The following DGKI variants were observed in gnomAD, a reference collection of about 807,000 sequenced individuals.
DGKI encodes diacylglycerol kinase iota, also known as DAG kinase iota.
Under a neutral mutation model 147.5 loss-of-function variants are expected in DGKI, and 55 were observed. The observed-to-expected ratio is 0.37, with a 90% CI of 0.30 to 0.47. The LOEUF is 0.47. DGKI is among the 20% of genes least tolerant of loss of function. The pLI is 1.00. For missense variants in DGKI, 1,007 were observed against 1,323.8 expected (o/e 0.76, Z 3.71); for synonymous variants, 469 against 477.1 (o/e 0.98, Z 0.22).
Position 137,387,591 on chromosome 7 carries a change from C to T in DGKI, c.*3629G>A, listed in dbSNP as rs1811213733. ...GTGTGTAAATGTATATGCGTATATA[C>T]ATACATACTTGTGCATGAACGGATG... On this transcript the variant is annotated 3_prime_UTR_variant, in exon 33 of 33. Transcript: ENST00000614521. 6.6e-6 allele frequency: 1 copy of T among 152,028 alleles called. No homozygotes were observed. 9.4% of individuals were successfully genotyped at this position (152,028 alleles called of 1,614,324 possible). A position where few individuals can be genotyped will look rare whatever the true frequency, so the allele number is the denominator to read the frequency against.
intron 1 of DGKI, among the ~76,000 whole-genome samples, chr7:137,811,688 C>T (rs1418712521): frequency 6.6e-6 from 1 of 152,134 alleles, no homozygotes; most frequent in Non-Finnish European, 1.5e-5. Flanking sequence ...AACTATTCCC[C>T]AAATCACAAT....
At chr7:137,675,383 C>CGGTATTTCTCAAA (rs1585357690) in intron 3 of DGKI, among the ~76,000 whole-genome samples, 7 of 152,096 alleles carry the variant, frequency 4.6e-5, no homozygotes, top group African/African-American at 1.7e-4. Flanking sequence ...TTGAGGTGCT[C>CGGTATTTCTCAAA]GTTAAAATCA....
At chr7:137,516,954 A>G (rs528486883) in intron 21 of DGKI, among the ~76,000 whole-genome samples, 302 of 152,092 alleles carry the variant, frequency 2.0e-3, no homozygotes, top group African/African-American at 7.0e-3. Context: ...GTCTATGGTG[A>G]AGGAACTTGG....
chr7:137,509,819 G>A (rs751190283), intron 21 of DGKI, among the ~76,000 whole-genome samples: 9 of 152,174 alleles, frequency 5.9e-5, no homozygotes, highest in Non-Finnish European at 1.0e-4. Flanking sequence ...ACACTCTCCA[G>A]GTGCCCATCG....
At chr7:137,723,699 CTTTTTTTTTTTTTT>C (rs769605042) in intron 1 of DGKI, among the ~76,000 whole-genome samples, 5 of 104,418 alleles carry the variant, frequency 4.8e-5, no homozygotes, top group East Asian at 2.9e-4. Flanking sequence ...CATGATATCC[CTTTTTTTTTTTTTT>C]TTTTTTTTTT....
At chr7:137,473,568 T>G (rs1046031733) in intron 23 of DGKI, among the ~76,000 whole-genome samples, 1 of 152,146 alleles carries the variant, frequency 6.6e-6, no homozygotes, top group Admixed American at 6.5e-5. Flanking sequence ...AATAAGAAGA[T>G]TCTGATCAGT....
At chr7:137,679,404 G>A (rs942854244) in intron 2 of DGKI, among the ~76,000 whole-genome samples, 1 of 127,566 alleles carries the variant, frequency 7.8e-6, no homozygotes, top group East Asian at 2.3e-4. Context: ...GAAGCAAACT[G>A]TTTTTTTTTT....
chr7:137,643,518 G>C (rs1332861381), intron 6 of DGKI, among the ~76,000 whole-genome samples: 1 of 152,160 alleles, frequency 6.6e-6, no homozygotes, highest in African/African-American at 2.4e-5. Flanking sequence ...AATTGTTTGA[G>C]TCTTGAAGAA....
At position 137,638,540 on chromosome 7, in the gene DGKI, G is replaced by A. The variant is rs1045759783; in HGVS notation, c.804+6932C>T. On this transcript the variant is annotated intron_variant, in intron 6 of 32. Coordinates refer to ENST00000614521, the MANE Select transcript of DGKI (RefSeq NM_001321708.2). Reference sequence around the variant, plus strand: ...TGTATATATATACACACACATATATGTATATATATGTGTGTATATATATAC... The same window carrying A: ...TGTATATATATACACACACATATATATATATATATGTGTGTATATATATAC... 1.4e-3 allele frequency among the ~76,000 whole-genome samples: 133 copies of A among 94,808 alleles called. 1 individual carries two copies. The highest frequency in any genetic ancestry group is 6.6e-3 in the East Asian group (20 of 3,040). 62.2% of individuals were successfully genotyped at this position (94,808 alleles called of 152,430 possible).
intron 1 of DGKI, among the ~76,000 whole-genome samples, chr7:137,801,026 G>A (rs547987107): frequency 6.6e-6 from 1 of 152,352 alleles, no homozygotes; most frequent in Non-Finnish European, 1.5e-5. Flanking sequence ...AGTGATCTAA[G>A]TGCTGATGCC....
At chr7:137,646,700 A>G (rs56203088) in intron 5 of DGKI, among the ~76,000 whole-genome samples, 2,936 of 152,332 alleles carry the variant, frequency 0.019, 65 homozygotes, top group Admixed American at 0.044. Flanking sequence ...GGGTCTAGCC[A>G]TAACCCTTAT....
At chr7:137,718,486 C>T (rs3778802) in intron 1 of DGKI, among the ~76,000 whole-genome samples, 22,036 of 152,106 alleles carry the variant, frequency 0.14, 2,310 homozygotes, top group African/African-American at 0.28. Flanking sequence ...GGAGAGGCAA[C>T]GCCAAAGGCT....
intron 19 of DGKI, among the ~76,000 whole-genome samples, chr7:137,567,030 C>T (rs571451473): frequency 6.6e-5 from 10 of 151,742 alleles, no homozygotes; most frequent in African/African-American, 1.2e-4. Context: ...TTTGAGAGGC[C>T]GAGGCGGGTG....
At chr7:137,842,833 A>C (rs1296551479) in intron 1 of DGKI, among the ~76,000 whole-genome samples, 1 of 152,212 alleles carries the variant, frequency 6.6e-6, no homozygotes, top group Non-Finnish European at 1.5e-5. Flanking sequence ...AGCCAAAAAA[A>C]GGTATGCAAT....
chr7:137,784,896 G>A (rs530392242), intron 1 of DGKI, among the ~76,000 whole-genome samples: 4 of 151,758 alleles, frequency 2.6e-5, no homozygotes, highest in African/African-American at 9.6e-5. Flanking sequence ...AAATCACGAT[G>A]GAAATTAAAA....
chr7:137,619,086 G>A (rs570170564), intron 8 of DGKI, among the ~76,000 whole-genome samples: 9 of 152,120 alleles, frequency 5.9e-5, no homozygotes, highest in Non-Finnish European at 8.8e-5. Context: ...GCACCCTAAG[G>A]GAGGTATAGT....
At chr7:137,579,515 AT>A in intron 15 of DGKI, among the ~76,000 whole-genome samples, 1 of 152,056 alleles carries the variant, frequency 6.6e-6, no homozygotes, top group Admixed American at 6.5e-5. Flanking sequence ...TTAATTTACT[AT>A]TTAAAAAAAG....
intron 1 of DGKI, among the ~76,000 whole-genome samples, chr7:137,701,546 T>C (rs1349248193): frequency 6.6e-6 from 1 of 152,150 alleles, no homozygotes; most frequent in Non-Finnish European, 1.5e-5. Context: ...TATTTCTGTA[T>C]ATATGCAACC....
intron 20 of DGKI, among the ~76,000 whole-genome samples, chr7:137,537,034 T>A (rs1031921637): frequency 9.9e-5 from 15 of 152,210 alleles, no homozygotes; most frequent in African/African-American, 3.6e-4. Context: ...TTTGGAATTG[T>A]CCATTGCAGA....
Sources: allele counts gnomAD v4.1 joint callset (sites outside exome capture counted in the v4.1 genomes callset), GRCh38; gene constraint gnomAD v4.1.1; transcripts MANE v1.5; gene names NCBI Gene and HGNC (gene_info 2026-07-23, HGNC 2026-07-21).